Variants in CACNA1E observed in about 807,000 individuals in gnomAD.
The protein encoded by CACNA1E is voltage-dependent R-type calcium channel subunit alpha-1E.
A neutral mutation model predicts 259.2 loss-of-function variants in CACNA1E; 40 were observed. The observed-to-expected ratio is 0.15, with a 90% CI of 0.12 to 0.20. The LOEUF is 0.20. Ranked by LOEUF, CACNA1E falls within the 10% of genes least tolerant of loss-of-function variation. CACNA1E has a pLI of 1.00. For missense variants in CACNA1E, 1,874 were observed against 3,040.1 expected, an observed-to-expected ratio of 0.62 and a Z score of 9.02; for synonymous variants, 1,104 against 1,138.5, an observed-to-expected ratio of 0.97 and a Z score of 0.61.
In CACNA1E at chr1:181,721,609, A is replaced by T. The variant is rs113148397; in HGVS notation, c.1957-149A>T. ...AAAAAAGTTTAGGATTATTTATGGA[A>T]ATGACTTTTTTTTTTTTTAACTCCC... On this transcript the variant is annotated intron_variant, in intron 15 of 47. Transcript: ENST00000367573. 5,025 of 520,866 alleles carry T rather than the reference A, an allele frequency of 9.6e-3. 202 individuals carry two copies. The highest frequency in any genetic ancestry group is 0.087 in the African/African-American group (4,452 of 51,122). The allele number at this position is 520,866 out of a possible 1,614,324, so 32.3% of individuals were successfully genotyped here. A position where few individuals can be genotyped will look rare whatever the true frequency, so the allele number is the denominator to read the frequency against.
At chr1:181,733,145 GATGC>G in intron 20 of CACNA1E, 111 bp downstream of exon 20, 1 of 1,381,226 alleles carries the variant, frequency 7.2e-7, no homozygotes, top group Non-Finnish European at 9.5e-7. Context: ...AAATGGAAAT[GATGC>G]TGACACACAC....
chr1:181,364,537 T>C (rs188274203), intron 1 of CACNA1E, among the ~76,000 whole-genome samples: 469 of 152,268 alleles, frequency 3.1e-3, no homozygotes, highest in Non-Finnish European at 4.8e-3. Context: ...TCAGAGATCT[T>C]ATACAGAAGA....
intron 1 of CACNA1E, among the ~76,000 whole-genome samples, chr1:181,355,587 CAAACAAAACAAAACAAAACAAAACA>C (rs142997966): frequency 6.7e-6 from 1 of 148,494 alleles, no homozygotes; most frequent in African/African-American, 2.5e-5. Flanking sequence ...GACTCCATCT[CAAACAAAACAAAACAAAACAAAACA>C]AAACAAAACA....
intron 38 of CACNA1E, among the ~76,000 whole-genome samples, chr1:181,780,400 C>T (rs1216804844): frequency 6.6e-6 from 1 of 152,170 alleles, no homozygotes; most frequent in Non-Finnish European, 1.5e-5. Flanking sequence ...CTACTAAGCC[C>T]CTATGTGAGG....
intron 1 of CACNA1E, among the ~76,000 whole-genome samples, chr1:181,393,747 C>T (rs1056102438): frequency 8.5e-5 from 13 of 152,212 alleles, no homozygotes; most frequent in Non-Finnish European, 1.8e-4. Flanking sequence ...CGTGTGCCCC[C>T]GTGCCTGGCC....
At chr1:181,501,038 C>G (rs1232781672) in intron 1 of CACNA1E, among the ~76,000 whole-genome samples, 1 of 152,200 alleles carries the variant, frequency 6.6e-6, no homozygotes, top group Non-Finnish European at 1.5e-5. Context: ...CATCAAAACA[C>G]AAATTCTCGT....
intron 2 of CACNA1E, among the ~76,000 whole-genome samples, chr1:181,424,292 AT>A (rs1273267574): frequency 4.6e-5 from 7 of 152,324 alleles, no homozygotes; most frequent in African/African-American, 1.7e-4. Flanking sequence ...AATTTGGGTG[AT>A]TTCTAGAGAT....
intron 7 of CACNA1E, among the ~76,000 whole-genome samples, chr1:181,690,614 A>T (rs1333272589): frequency 1.3e-5 from 2 of 152,162 alleles, no homozygotes; most frequent in African/African-American, 2.4e-5. Flanking sequence ...AAGAGCATGG[A>T]ATATTTTTCC....
chr1:181,472,460 T>C (rs1013527711), intron 2 of CACNA1E, among the ~76,000 whole-genome samples: 1 of 152,276 alleles, frequency 6.6e-6, no homozygotes, highest in Non-Finnish European at 1.5e-5. Context: ...ACTATCTATA[T>C]GTATCCGATA....
At chr1:181,601,963 G>A (rs1309703196) in intron 6 of CACNA1E, among the ~76,000 whole-genome samples, 1 of 152,162 alleles carries the variant, frequency 6.6e-6, no homozygotes, top group African/African-American at 2.4e-5. Context: ...TGCCTTGGAT[G>A]GAACCTTGCT....
At chr1:181,372,149 C>T (rs547972097) in intron 1 of CACNA1E, among the ~76,000 whole-genome samples, 6 of 152,006 alleles carry the variant, frequency 3.9e-5, no homozygotes, top group Non-Finnish European at 5.9e-5. Context: ...ATTGGTAGTT[C>T]GGTAGGAATA....
At chr1:181,698,494 A>G (rs1207664882) in intron 7 of CACNA1E, among the ~76,000 whole-genome samples, 12 of 152,342 alleles carry the variant, frequency 7.9e-5, no homozygotes, top group East Asian at 7.7e-4. Flanking sequence ...GAAAGCTTCA[A>G]TAACTTGCCT....
chr1:181,481,649 G>A (rs1663252479), upstream of CACNA1E, among the ~76,000 whole-genome samples: 1 of 152,160 alleles, frequency 6.6e-6, no homozygotes, highest in Admixed American at 6.5e-5. Flanking sequence ...GTTGAGCCAA[G>A]GCAGGAAAAC....
At chr1:181,672,072 A>G (rs769419129) in intron 7 of CACNA1E, among the ~76,000 whole-genome samples, 1 of 152,264 alleles carries the variant, frequency 6.6e-6, no homozygotes, top group Non-Finnish European at 1.5e-5. Context: ...GAACAAGATT[A>G]TGTCATTTAC....
At chr1:181,363,411 G>T (rs1654035548) in intron 1 of CACNA1E, among the ~76,000 whole-genome samples, 1 of 152,208 alleles carries the variant, frequency 6.6e-6, no homozygotes, top group Non-Finnish European at 1.5e-5. Context: ...ACTAAATTTG[G>T]ATGGTGTTTT....
At position 181,737,668 on chromosome 1, in the gene CACNA1E, G is replaced by A; in HGVS notation, c.3552+14G>A. The A allele has an allele frequency of 6.2e-7, 1 of 1,612,234 alleles. No homozygotes were observed. The highest frequency in any genetic ancestry group is 8.5e-7 in the Non-Finnish European group (1 of 1,178,850). On this transcript the variant is annotated intron_variant, in intron 23 of 47. Coordinates refer to ENST00000367573, the MANE Select transcript of CACNA1E (RefSeq NM_001205293.3). ...GAGCGCAACAAAGTGGGTACACAGG[G>A]GCCATGTGCCAGCCTCTGTAGTGCT...
At chr1:181,462,538 T>C (rs1443731760) in intron 2 of CACNA1E, among the ~76,000 whole-genome samples, 1 of 152,206 alleles carries the variant, frequency 6.6e-6, no homozygotes, top group Non-Finnish European at 1.5e-5. Context: ...AAATACATAA[T>C]AATATTTGCC....
Position 181,763,972 on chromosome 1 carries a change from G to T in CACNA1E, c.4815+441G>T, listed in dbSNP as rs552896029. Among the ~76,000 whole-genome samples, 6 of 152,288 alleles carry T rather than the reference G, an allele frequency of 3.9e-5. 1 individual carries two copies. Among genetic ancestry groups the T allele is most frequent in the Admixed American group, 3.9e-4 (6 of 15,300 alleles). On this transcript the variant is annotated intron_variant, in intron 34 of 47. Transcript: ENST00000367573. Reference sequence around the variant, plus strand: ...AGTTTTTCAAAGGACTCATTGAGTTGTGTTTCATAGAGAGATGATTCATAC... The same window carrying T: ...AGTTTTTCAAAGGACTCATTGAGTTTTGTTTCATAGAGAGATGATTCATAC...
At chr1:181,436,306 G>A (rs1035039632) in intron 2 of CACNA1E, among the ~76,000 whole-genome samples, 9 of 152,150 alleles carry the variant, frequency 5.9e-5, no homozygotes, top group Non-Finnish European at 7.4e-5. Context: ...ATAGTATGGC[G>A]GTTCTTTAAA....
Sources: allele counts gnomAD v4.1 joint callset (sites outside exome capture counted in the v4.1 genomes callset), GRCh38; gene constraint gnomAD v4.1.1; transcripts MANE v1.5; gene names NCBI Gene and HGNC (gene_info 2026-07-23, HGNC 2026-07-21).